LGI4: variants seen among roughly 807,000 people sequenced by gnomAD.
LGI4 encodes the protein leucine-rich repeat LGI family member 4.
In LGI4, 36 loss-of-function variants were observed where a neutral mutation model predicts 48.3. The observed-to-expected ratio is 0.75, with a 90% CI of 0.57 to 0.98. The LOEUF (loss-of-function observed/expected upper bound fraction) is 0.98, where lower values mean the gene tolerates loss of function less well. LGI4 is among the 50% of genes least tolerant of loss of function. The probability of loss-of-function intolerance (pLI) is 0.00; values close to 1 mark genes in which losing one functional copy is unlikely to be tolerated. For synonymous variants in LGI4, 355 were observed against 331.6 expected (o/e 1.07, Z -0.77); for missense variants, 701 against 732.1 (o/e 0.96, Z 0.49).
intron 6 of LGI4, among the ~76,000 whole-genome samples, chr19:35,130,753 C>T (rs2065168870): frequency 6.6e-6 from 1 of 152,176 alleles, no homozygotes; most frequent in Non-Finnish European, 1.5e-5. Context: ...CTTCAGGAAG[C>T]CCTTCCTGTC....
chr19:35,131,955 C>T lies in LGI4; in HGVS notation c.386+16G>A, dbSNP rs1191169034. The T allele has an allele frequency of 3.2e-6, 5 of 1,583,306 alleles. No individual in the cohort carries two copies. Among genetic ancestry groups the T allele is most frequent in the East Asian group, 4.6e-5 (2 of 43,608 alleles). On this transcript the variant is annotated intron_variant, in intron 4 of 8. Coordinates refer to ENST00000310123, the MANE Select transcript of LGI4 (RefSeq NM_139284.3). ...GGGTGCCTCTCATGGAGGGCTGGGG[C>T]GGTGGAGGCACGCACAGGTGTGTAA...
At chr19:35,128,431 G>A (rs1338989218) in intron 6 of LGI4, among the ~76,000 whole-genome samples, 3 of 152,208 alleles carry the variant, frequency 2.0e-5, no homozygotes, top group Non-Finnish European at 2.9e-5. Context: ...ACTCTCAGCC[G>A]AGAGTGGTGG....
chr19:35,124,670 C>A lies in LGI4; in HGVS notation c.*523G>T, dbSNP rs568124353. 6.6e-6 allele frequency: 1 copy of A among 152,568 alleles called. No homozygotes were observed. The highest frequency in any genetic ancestry group is 2.4e-5 in the African/African-American group (1 of 41,606). The allele number at this position is 152,568 out of a possible 1,614,324, so 9.5% of individuals were successfully genotyped here. On this transcript the variant is annotated 3_prime_UTR_variant, in exon 9 of 9. Transcript: ENST00000310123. ...GCAAAAGGCACAGCTTGCTGGGCGG[C>A]CGCACGCATGCGCACAAGCAGCAGA... is the stretch of plus-strand genomic sequence containing the variant.
Position 35,126,853 on chromosome 19 carries a change from C to T in LGI4, c.793G>A (p.Ala265Thr), listed in dbSNP as rs779232987. The T allele has an allele frequency of 4.3e-5, 69 of 1,609,550 alleles. No homozygotes were observed. Among genetic ancestry groups the T allele is most frequent in the Non-Finnish European group, 5.6e-5 (66 of 1,179,070 alleles). Residue 265 changes from alanine (A) to threonine (T), a missense_variant and splice_region_variant, in exon 7 of 9, where the codon GCG becomes ACG. By Grantham distance (58) the Ala-to-Thr change is moderately conservative. Coordinates refer to ENST00000310123, the MANE Select transcript of LGI4 (RefSeq NM_139284.3). Reference protein sequence around the residue: ...QRFRPEEELPAASVVSCKPLV... With the variant: ...QRFRPEEELPTASVVSCKPLV... ...GCAGAAGGACGGGGAGGGGGCTCAC[C>T]GGGCAGCTCTTCCTCGGGCCGGAAG... is the stretch of plus-strand genomic sequence containing the variant.
Position 35,125,068 on chromosome 19 carries a change from G to T in LGI4, c.*125C>A. ...TAAGAAGTGGGCTTAAGGCCTAGAC[G>T]TGTGGCTGATGAACGTGGCCCACGG... On this transcript the variant is annotated 3_prime_UTR_variant, in exon 9 of 9. Transcript: ENST00000310123. 3.9e-6 allele frequency: 3 copies of T among 763,214 alleles called. No homozygotes were observed. The highest frequency in any genetic ancestry group is 6.1e-6 in the Non-Finnish European group (3 of 495,242). 47.3% of individuals were successfully genotyped at this position (763,214 alleles called of 1,614,324 possible). A position where few individuals can be genotyped will look rare whatever the true frequency, so the allele number is the denominator to read the frequency against.
intron 8 of LGI4, 139 bp downstream of exon 8, chr19:35,126,131 T>C: frequency 1.1e-6 from 1 of 934,500 alleles, no homozygotes; most frequent in Non-Finnish European, 1.6e-6. Context: ...CTTGAGGGGG[T>C]CAGAGTCTTG....
intron 2 of LGI4, 94 bp from the exon 3 acceptor site, chr19:35,133,858 G>A: frequency 7.2e-7 from 1 of 1,395,672 alleles, no homozygotes. Flanking sequence ...GTGGGCATGG[G>A]CACGCAGGTG....
chr19:35,130,534 GT>G (rs1672734551), intron 6 of LGI4, among the ~76,000 whole-genome samples: 2 of 152,036 alleles, frequency 1.3e-5, no homozygotes, highest in East Asian at 1.9e-4. Context: ...CTACAAAAAA[GT>G]TTTTTAAAAA....
chr19:35,128,981 C>G (rs1017546279), intron 6 of LGI4, among the ~76,000 whole-genome samples: 2 of 152,198 alleles, frequency 1.3e-5, no homozygotes, highest in African/African-American at 4.8e-5. Context: ...GAGAAGCCTT[C>G]TCTGACTCCC....
chr19:35,130,195 A>G (rs2065165279), intron 6 of LGI4, among the ~76,000 whole-genome samples: 2 of 152,174 alleles, frequency 1.3e-5, no homozygotes, highest in Admixed American at 1.3e-4. Context: ...CTCAGGGACC[A>G]GTGCCGGCGC....
chr19:35,131,081 G>T lies in LGI4; in HGVS notation c.628+305C>A, dbSNP rs180972509. 6.8e-6 allele frequency: 4 copies of T among 591,096 alleles called. No homozygotes were observed. In the Admixed American group the frequency reaches 9.4e-5, roughly 14 times the overall value. 36.6% of individuals were successfully genotyped at this position (591,096 alleles called of 1,614,324 possible). ...AGCGCAATACTTGGCACTTAACGAA[G>T]AATTTTTAAATTGGTTGCTTTTATG... On this transcript the variant is annotated intron_variant, in intron 6 of 8. Coordinates refer to ENST00000310123, the MANE Select transcript of LGI4 (RefSeq NM_139284.3).
At position 35,134,616 on chromosome 19, in the gene LGI4, G is replaced by T. The variant is rs746621891; in HGVS notation, c.65C>A (p.Pro22His). Residue 22 changes from proline to histidine, a missense_variant, in exon 1 of 9, where the codon CCC (proline) becomes CAC (histidine). Transcript: ENST00000310123. ...GCGCAGGGGACACTTTCCCTTTGGG[G>T]GTCTCCAGGCCACCACCACCCCCGC... Reference protein sequence around the residue: ...AGAGVVVAWRPPKGKCPLRCS... With the variant: ...AGAGVVVAWRHPKGKCPLRCS... The T allele has an allele frequency of 6.3e-7, 1 of 1,586,428 alleles. No homozygotes were observed. Among genetic ancestry groups the T allele is most frequent in the Non-Finnish European group, 8.6e-7 (1 of 1,166,428 alleles).
chr19:35,131,711 C>T (rs2065176449), intron 5 of LGI4, 78 bp downstream of exon 5: 2 of 1,418,316 alleles, frequency 1.4e-6, no homozygotes, highest in Non-Finnish European at 1.9e-6. Flanking sequence ...TGCACGCCAA[C>T]CAGAAGTGGG....
In LGI4 at chr19:35,126,928, G is replaced by A. The variant is rs1324596785; in HGVS notation, c.718C>T (p.Pro240Ser). ...QGEPHIVLAQ[P>S]FAGRCLILSW... is the part of the protein sequence containing the mutation. ...AGAATCAGGCAGCGGCCGGCGAAGGGCTGTGCCAGCACAATGTGAGGCTCC... is the reference window on the plus strand; with the variant it reads ...AGAATCAGGCAGCGGCCGGCGAAGGACTGTGCCAGCACAATGTGAGGCTCC... Residue 240 changes from proline (P) to serine (S), a missense_variant, in exon 7 of 9, where the codon CCC (proline) becomes TCC (serine). Physicochemically the swap from Pro to Ser is moderately conservative, Grantham distance 74. Around this residue, in one of 3 missense-constraint regions of LGI4, gnomAD observed 462 missense variants for 436.4 expected, o/e 1.06. Coordinates refer to ENST00000310123, the MANE Select transcript of LGI4 (RefSeq NM_139284.3). 2 of 1,613,666 alleles carry A rather than the reference G, an allele frequency of 1.2e-6. No homozygotes were observed. The highest frequency in any genetic ancestry group is 1.7e-6 in the Non-Finnish European group (2 of 1,179,958).
In LGI4 at chr19:35,134,564, C is replaced by T; in HGVS notation, c.117G>A (p.Leu39=). 1 of 1,585,340 alleles carries T rather than the reference C, an allele frequency of 6.3e-7. No individual in the cohort carries two copies. The highest frequency in any genetic ancestry group is 1.3e-5 in the African/African-American group (1 of 74,886). The part of the protein sequence containing the change: ...LRCSCSKDSA[L]CEGSPDLPVS... ...CGGGCAGGTCCGGGGAGCCCTCACA[C>T]AGGGCGCTGTCTTTAGAGCAGGAGC... The change falls in exon 1 of 9, where the codon CTG becomes CTA. Residue 39 remains leucine, a synonymous_variant. Coordinates refer to ENST00000310123, the MANE Select transcript of LGI4 (RefSeq NM_139284.3).
chr19:35,130,477 A>G (rs890110494), intron 6 of LGI4, among the ~76,000 whole-genome samples: 2 of 152,088 alleles, frequency 1.3e-5, no homozygotes, highest in African/African-American at 4.8e-5. Context: ...TTGAAGCCAG[A>G]AGTTCAAGAC....
intron 1 of LGI4, 142 bp downstream of exon 1, chr19:35,134,369 G>C (rs1446484649): frequency 2.3e-6 from 2 of 888,444 alleles, no homozygotes; most frequent in Non-Finnish European, 3.5e-6. Flanking sequence ...CCCTCTTCAA[G>C]GCATCCCGAC....
At chr19:35,134,193 G>C in intron 1 of LGI4, 89 bp from the exon 2 acceptor site, 1 of 1,217,538 alleles carries the variant, frequency 8.2e-7, no homozygotes. Context: ...GGAGACCCCA[G>C]CGTGCCACCC....
chr19:35,134,707 G>A lies in LGI4; in HGVS notation c.-27C>T, dbSNP rs755581076. ...CCCCCACCCCCACTCTGAGGCACCC[G>A]CTTCTCCCGGCCCACCCAGCTCAGC... On this transcript the variant is annotated 5_prime_UTR_variant, in exon 1 of 9. Transcript: ENST00000310123. The A allele has an allele frequency of 4.1e-5, 38 of 927,034 alleles. No individual in the cohort carries two copies. Among genetic ancestry groups the A allele is most frequent in the South Asian group, 1.1e-4 (7 of 63,212 alleles). The allele number at this position is 927,034 out of a possible 1,614,324, so 57.4% of individuals were successfully genotyped here. A position where few individuals can be genotyped will look rare whatever the true frequency, so the allele number is the denominator to read the frequency against.
Sources: gnomAD v4.1 joint callset for allele counts (sites outside exome capture counted in the v4.1 genomes callset) on GRCh38, gnomAD v4.1.1 for gene constraint, gnomAD v4.1.1 regional missense constraint, MANE v1.5 for transcripts, NCBI Gene and HGNC (gene_info 2026-07-23, HGNC 2026-07-21) for gene names.